RELN: variants seen among roughly 807,000 people sequenced by gnomAD.
The protein encoded by RELN is reelin.
Under a neutral mutation model 427.6 loss-of-function variants are expected in RELN, and 108 were observed. That is an observed-to-expected ratio of 0.25 (90% CI 0.22 to 0.30). The LOEUF (loss-of-function observed/expected upper bound fraction) is 0.30. Among genes scored for constraint, RELN ranks in the 10% least tolerant of loss-of-function variants. RELN has a pLI of 1.00. For missense variants in RELN, 3,715 were observed against 4,302.8 expected, an observed-to-expected ratio of 0.86 and a Z score of 3.82; for synonymous variants, 1,524 against 1,513.4, an observed-to-expected ratio of 1.01 and a Z score of -0.16.
intron 1 of RELN, among the ~76,000 whole-genome samples, chr7:103,955,110 A>AT (rs1196237319): frequency 6.6e-6 from 1 of 152,152 alleles, no homozygotes; most frequent in Non-Finnish European, 1.5e-5. Context: ...AACTACTTAT[A>AT]TTTTTCAAAT....
At position 103,515,415 on chromosome 7, in the gene RELN, T is replaced by C; in HGVS notation, c.7889A>G (p.Asp2630Gly). The C allele has an allele frequency of 6.2e-7, 1 of 1,614,102 alleles. No individual in the cohort carries two copies. Among genetic ancestry groups the C allele is most frequent in the South Asian group, 1.1e-5 (1 of 91,080 alleles). ...PGFVNILLPP[D>G]AKEIATRFRW... ...GAAGCGAGTGGCAATCTCTTTAGCATCAGGAGGGAGAAGGATATTCACAAA... is the reference window on the plus strand; with the variant it reads ...GAAGCGAGTGGCAATCTCTTTAGCACCAGGAGGGAGAAGGATATTCACAAA... The change falls in exon 50 of 65, where the codon GAT becomes GGT. Residue 2630 changes from aspartate to glycine, a missense_variant. Physicochemically the swap from Asp to Gly is moderately conservative, Grantham distance 94. This residue lies in a region of RELN where 1,310 missense variants were observed against 1,643.0 expected (regional missense o/e 0.80). Coordinates refer to ENST00000428762, the MANE Select transcript of RELN (RefSeq NM_005045.4).
intron 44 of RELN, 49 bp downstream of exon 44, chr7:103,540,148 T>C (rs772676524): frequency 6.2e-7 from 1 of 1,609,744 alleles, no homozygotes; most frequent in Non-Finnish European, 8.5e-7. Flanking sequence ...TAAGGCCACA[T>C]TCAGCTCAAG....
At chr7:103,787,267 C>A (rs1792040880) in intron 3 of RELN, among the ~76,000 whole-genome samples, 2 of 151,730 alleles carry the variant, frequency 1.3e-5, no homozygotes, top group South Asian at 2.1e-4. Context: ...AAATCAGCAC[C>A]CTAACACACA....
chr7:103,884,002 G>A (rs1794667923), intron 2 of RELN, among the ~76,000 whole-genome samples: 2 of 152,128 alleles, frequency 1.3e-5, no homozygotes, highest in Non-Finnish European at 2.9e-5. Context: ...GAGCAATGCT[G>A]GAGGTATGAT....
chr7:103,616,118 C>T (rs1832073253), intron 20 of RELN, among the ~76,000 whole-genome samples: 1 of 152,152 alleles, frequency 6.6e-6, no homozygotes, highest in Admixed American at 6.5e-5. Flanking sequence ...TGAAATCTCA[C>T]TATTCATGTG....
chr7:103,884,902 A>G (rs1304582047), intron 2 of RELN, among the ~76,000 whole-genome samples: 3 of 152,176 alleles, frequency 2.0e-5, no homozygotes, highest in Non-Finnish European at 4.4e-5. Flanking sequence ...AACCAGAAAT[A>G]CCATTTGACC....
chr7:103,770,145 C>T (rs1791528406), intron 4 of RELN, among the ~76,000 whole-genome samples: 1 of 152,102 alleles, frequency 6.6e-6, no homozygotes, highest in Non-Finnish European at 1.5e-5. Context: ...AGTGCAATGG[C>T]ATGATTTCGG....
At chr7:103,878,416 T>C (rs1794533519) in intron 2 of RELN, among the ~76,000 whole-genome samples, 1 of 152,210 alleles carries the variant, frequency 6.6e-6, no homozygotes. Flanking sequence ...TTGGTGTTTA[T>C]CTCCTTCTCC....
intron 49 of RELN, among the ~76,000 whole-genome samples, chr7:103,519,049 T>C (rs950058221): frequency 4.6e-5 from 7 of 152,232 alleles, no homozygotes; most frequent in Admixed American, 1.3e-4. Context: ...TTAATTATAC[T>C]AGTTAATTTC....
chr7:103,578,703 T>C (rs1831058946), intron 28 of RELN, among the ~76,000 whole-genome samples: 1 of 152,150 alleles, frequency 6.6e-6, no homozygotes, highest in Non-Finnish European at 1.5e-5. Flanking sequence ...GAATTCATTA[T>C]AAAAACTAGT....
intron 16 of RELN, among the ~76,000 whole-genome samples, chr7:103,642,879 C>T (rs1257552470): frequency 6.6e-6 from 1 of 152,022 alleles, no homozygotes; most frequent in Non-Finnish European, 1.5e-5. Flanking sequence ...TGAACAGGTG[C>T]AATACTTAAA....
At chr7:103,704,680 TA>T (rs543516208) in intron 8 of RELN, among the ~76,000 whole-genome samples, 90 of 142,594 alleles carry the variant, frequency 6.3e-4, no homozygotes, top group Admixed American at 7.7e-4. Context: ...ATCTCCTATC[TA>T]AAAAAAAAAA....
intron 2 of RELN, among the ~76,000 whole-genome samples, chr7:103,843,574 A>G (rs2116440949): frequency 6.6e-6 from 1 of 152,280 alleles, no homozygotes; most frequent in Middle Eastern, 3.4e-3. Context: ...AATAAACAGG[A>G]AGAGAGCCCT....
chr7:103,917,194 TAAGAAAGAA>T lies in RELN; in HGVS notation c.227-18_227-10del. ...GCTTGTTGAAATTGTCACTGAAATG[TAAGAAAGAA>T]AAAAAAAACTCTCAATACAGTCAGA... On this transcript the variant is annotated splice_polypyrimidine_tract_variant and intron_variant, in intron 1 of 64. Transcript: ENST00000428762. 6.2e-7 allele frequency: 1 copy of T among 1,602,436 alleles called. No homozygotes were observed. The highest frequency in any genetic ancestry group is 1.3e-5 in the African/African-American group (1 of 74,540).
chr7:103,505,596 A>T (rs192309257), intron 51 of RELN, among the ~76,000 whole-genome samples: 3 of 152,220 alleles, frequency 2.0e-5, no homozygotes, highest in Non-Finnish European at 2.9e-5. Context: ...AGGTAGATAA[A>T]TCCACGAAGA....
At chr7:103,550,175 G>A (rs1830381848) in intron 41 of RELN, among the ~76,000 whole-genome samples, 1 of 152,212 alleles carries the variant, frequency 6.6e-6, no homozygotes, top group Non-Finnish European at 1.5e-5. Flanking sequence ...ATAATGAGGA[G>A]TGGATAGATT....
intron 1 of RELN, among the ~76,000 whole-genome samples, chr7:103,929,028 G>C (rs1265531813): frequency 6.6e-6 from 1 of 152,206 alleles, no homozygotes; most frequent in Non-Finnish European, 1.5e-5. Context: ...ATGAGGTTAA[G>C]TCAGCATATC....
intron 1 of RELN, among the ~76,000 whole-genome samples, chr7:103,948,002 TA>T (rs1176203224): frequency 1.3e-5 from 2 of 152,180 alleles, no homozygotes; most frequent in African/African-American, 4.8e-5. Flanking sequence ...GAAAAAGGTA[TA>T]AAAAATAATC....
chr7:103,713,951 G>C (rs963177714), intron 8 of RELN, among the ~76,000 whole-genome samples: 2 of 151,844 alleles, frequency 1.3e-5, no homozygotes, highest in Admixed American at 6.6e-5. Context: ...TAGCTCTCTT[G>C]ACCCACGGCA....
Sources: gnomAD v4.1 joint callset for allele counts (sites outside exome capture counted in the v4.1 genomes callset) on GRCh38, gnomAD v4.1.1 for gene constraint, gnomAD v4.1.1 regional missense constraint, MANE v1.5 for transcripts, NCBI Gene and HGNC (gene_info 2026-07-23, HGNC 2026-07-21) for gene names.